BTBD9: variants seen among roughly 807,000 people sequenced by gnomAD.
BTBD9 encodes the protein BTB/POZ domain-containing protein 9.
In BTBD9, 49 loss-of-function variants were observed where a neutral mutation model predicts 64.3. The ratio of observed to expected loss-of-function variants is 0.76; its 90% CI spans 0.61 to 0.97. The LOEUF (loss-of-function observed/expected upper bound fraction) is 0.97. Among genes scored for constraint, BTBD9 ranks in the 50% least tolerant of loss-of-function variants. BTBD9 has a pLI of 0.00. For synonymous variants in BTBD9, 260 were observed against 274.7 expected (o/e 0.95, Z 0.53); for missense variants, 598 against 762.1 (o/e 0.78, Z 2.53).
chr6:38,534,475 CAAAA>C lies in BTBD9; in HGVS notation c.1154+43121_1154+43124del, dbSNP rs57383061. Among the ~76,000 whole-genome samples, 404 of 94,926 alleles carry C rather than the reference CAAAA, an allele frequency of 4.3e-3. 1 individual carries two copies. The highest frequency in any genetic ancestry group is 0.015 in the African/African-American group (384 of 26,090). The allele number at this position is 94,926 out of a possible 152,430, so 62.3% of individuals were successfully genotyped here. On this transcript the variant is annotated intron_variant, in intron 6 of 10. Coordinates refer to ENST00000481247, the MANE Select transcript of BTBD9 (RefSeq NM_001099272.2). ...TGATACCAATTCTACTCAAACTGTT[CAAAA>C]AAAAAAAAAAAATAGAGGAGGAGGG...
intron 7 of BTBD9, among the ~76,000 whole-genome samples, chr6:38,303,564 G>C (rs1762490773): frequency 6.6e-6 from 1 of 151,724 alleles, no homozygotes; most frequent in African/African-American, 2.4e-5. Context: ...AGTTGTCTCT[G>C]TTTACTCTGT....
At chr6:38,548,051 GC>G (rs1774630158) in intron 6 of BTBD9, among the ~76,000 whole-genome samples, 2 of 152,222 alleles carry the variant, frequency 1.3e-5, no homozygotes, top group South Asian at 4.1e-4. Flanking sequence ...TTCAAATTTT[GC>G]AGTGTAAATT....
chr6:38,218,245 C>A (rs1024718406), intron 9 of BTBD9, among the ~76,000 whole-genome samples: 2 of 152,202 alleles, frequency 1.3e-5, no homozygotes, highest in African/African-American at 4.8e-5. Context: ...TTAGGCCACA[C>A]AGATCTCTGT....
intron 4 of BTBD9, among the ~76,000 whole-genome samples, chr6:38,589,070 C>T (rs1460015027): frequency 6.6e-6 from 1 of 152,176 alleles, no homozygotes; most frequent in South Asian, 2.1e-4. Flanking sequence ...TTAATCATTA[C>T]TCAAGTTCAG....
chr6:38,541,777 ACC>A (rs1393849966), intron 6 of BTBD9, among the ~76,000 whole-genome samples: 1 of 152,134 alleles, frequency 6.6e-6, no homozygotes, highest in Non-Finnish European at 1.5e-5. Flanking sequence ...TCTGGGATTG[ACC>A]CACATTGAAA....
At chr6:38,253,343 G>T (rs141571811) in intron 9 of BTBD9, among the ~76,000 whole-genome samples, 28 of 152,302 alleles carry the variant, frequency 1.8e-4, no homozygotes, top group African/African-American at 6.0e-4. Flanking sequence ...GCAGGAGAGA[G>T]AAGAGTGAAG....
intron 9 of BTBD9, among the ~76,000 whole-genome samples, chr6:38,224,903 G>C (rs999433099): frequency 2.0e-5 from 3 of 152,238 alleles, no homozygotes; most frequent in African/African-American, 4.8e-5. Context: ...AAGGTAATAA[G>C]TATGATGTTG....
At chr6:38,613,005 G>A (rs1322334489) in intron 1 of BTBD9, 4 of 152,162 alleles carry the variant, frequency 2.6e-5, no homozygotes, top group South Asian at 4.1e-4. Flanking sequence ...CCGAGCACTT[G>A]AAATACAGCA....
intron 9 of BTBD9, among the ~76,000 whole-genome samples, chr6:38,236,772 G>A (rs993135583): frequency 6.6e-6 from 1 of 152,192 alleles, no homozygotes; most frequent in Non-Finnish European, 1.5e-5. Flanking sequence ...CTGGGTCAGT[G>A]CATTTCATGT....
chr6:38,609,356 C>G (rs1185499922), intron 1 of BTBD9, among the ~76,000 whole-genome samples: 1 of 152,042 alleles, frequency 6.6e-6, no homozygotes, highest in Non-Finnish European at 1.5e-5. Context: ...GATGACAGGG[C>G]AAGACCTTGT....
chr6:38,210,436 G>A (rs950235423), intron 9 of BTBD9, among the ~76,000 whole-genome samples: 11 of 151,994 alleles, frequency 7.2e-5, no homozygotes, highest in Admixed American at 3.3e-4. Context: ...TGCTAGAAAC[G>A]CAATGATTTT....
At chr6:38,221,249 CT>C (rs954228220) in intron 9 of BTBD9, among the ~76,000 whole-genome samples, 2 of 152,174 alleles carry the variant, frequency 1.3e-5, no homozygotes, top group African/African-American at 4.8e-5. Context: ...GCAACTGCCC[CT>C]CTATTACTGT....
At chr6:38,211,217 C>G (rs1038955469) in intron 9 of BTBD9, among the ~76,000 whole-genome samples, 1 of 152,012 alleles carries the variant, frequency 6.6e-6, no homozygotes, top group Non-Finnish European at 1.5e-5. Flanking sequence ...ATCACGAGGT[C>G]AGGAGATCGA....
At position 38,547,136 on chromosome 6, in the gene BTBD9, C is replaced by T. The variant is rs558202800; in HGVS notation, c.1154+30464G>A. 4.6e-5 allele frequency among the ~76,000 whole-genome samples: 7 copies of T among 152,280 alleles called. No individual in the cohort carries two copies. The South Asian group carries it at 1.5e-3, about 32-fold the overall frequency. On this transcript the variant is annotated intron_variant, in intron 6 of 10. Coordinates refer to ENST00000481247, the MANE Select transcript of BTBD9 (RefSeq NM_001099272.2). ...CATGTCCCTCTCTCTCCTTGGGCCT[C>T]CCTATTCCCTGAAACATGACAATAT... is the stretch of plus-strand genomic sequence containing the variant.
chr6:38,345,512 A>T (rs559275370), intron 6 of BTBD9, among the ~76,000 whole-genome samples: 1 of 152,264 alleles, frequency 6.6e-6, no homozygotes, highest in Non-Finnish European at 1.5e-5. Flanking sequence ...TCAATGGAAG[A>T]TTTAATCCAC....
chr6:38,280,282 T>C (rs1407644356), intron 8 of BTBD9, among the ~76,000 whole-genome samples: 2 of 152,196 alleles, frequency 1.3e-5, no homozygotes, highest in Non-Finnish European at 2.9e-5. Flanking sequence ...ATTTGCTGTA[T>C]GATTTTTCTG....
chr6:38,375,939 G>GAAAGA (rs1341900940), intron 6 of BTBD9, among the ~76,000 whole-genome samples: 3 of 68,804 alleles, frequency 4.4e-5, no homozygotes, highest in African/African-American at 1.7e-4. Flanking sequence ...AAGAAAGAAA[G>GAAAGA]AAGGAAAGAA....
At chr6:38,267,454 G>A (rs1046947050) in intron 8 of BTBD9, among the ~76,000 whole-genome samples, 16 of 152,220 alleles carry the variant, frequency 1.1e-4, no homozygotes, top group Admixed American at 1.3e-4. Context: ...ACAGGTAGGG[G>A]AGTAGAGTCA....
At chr6:38,294,555 G>C (rs1354256563) in intron 7 of BTBD9, among the ~76,000 whole-genome samples, 1 of 152,078 alleles carries the variant, frequency 6.6e-6, no homozygotes, top group Non-Finnish European at 1.5e-5. Flanking sequence ...CACAGGAACA[G>C]AAAACCAAAC....
Sources: gnomAD v4.1 joint callset for allele counts (sites outside exome capture counted in the v4.1 genomes callset) on GRCh38, gnomAD v4.1.1 for gene constraint, MANE v1.5 for transcripts, NCBI Gene and HGNC (gene_info 2026-07-23, HGNC 2026-07-21) for gene names.